The following WDR49 variants were observed in gnomAD, a reference collection of about 807,000 sequenced individuals.
WDR49 encodes the protein cilia- and flagella-associated protein 337.
WDR49 carries 107 observed loss-of-function variants against 119.5 expected under a neutral mutation model. The observed-to-expected ratio is 0.90, with a 90% CI of 0.77 to 1.05. The LOEUF is 1.05. Among genes scored for constraint, WDR49 ranks in the 50% least tolerant of loss-of-function variants. The pLI is 0.00. For missense variants in WDR49, 1,240 were observed against 1,220.5 expected, an observed-to-expected ratio of 1.02 and a Z score of -0.24; for synonymous variants, 425 against 418.8, an observed-to-expected ratio of 1.01 and a Z score of -0.18.
chr3:167,653,170 T>C, intron 2 of WDR49, 91 bp downstream of exon 2: 1 of 1,405,428 alleles, frequency 7.1e-7, no homozygotes, highest in Non-Finnish European at 9.7e-7. Context: ...AAGTGTATTT[T>C]TTTAATGCTT....
At chr3:167,571,448 C>A (rs1246672669) in intron 8 of WDR49, among the ~76,000 whole-genome samples, 1 of 152,090 alleles carries the variant, frequency 6.6e-6, no homozygotes, top group Non-Finnish European at 1.5e-5. Flanking sequence ...TAGAAACTTA[C>A]TCCTAAGAAT....
intron 16 of WDR49, among the ~76,000 whole-genome samples, chr3:167,506,494 T>G (rs935330898): frequency 1.3e-5 from 2 of 152,234 alleles, no homozygotes; most frequent in African/African-American, 4.8e-5. Flanking sequence ...GTATCTCTCT[T>G]AAACTTAATA....
chr3:167,631,701 G>A (rs1158300489), intron 2 of WDR49, among the ~76,000 whole-genome samples: 2 of 152,168 alleles, frequency 1.3e-5, no homozygotes, highest in Admixed American at 6.6e-5. Flanking sequence ...TTGTGGAGCA[G>A]GTCAAACCAA....
intron 10 of WDR49, among the ~76,000 whole-genome samples, chr3:167,543,077 C>A (rs11714525): frequency 0.26 from 39,078 of 151,666 alleles, 5,322 homozygotes; most frequent in South Asian, 0.31. Context: ...TACACAATGC[C>A]CCTTGATTAA....
In WDR49 at chr3:167,626,956, C is replaced by T. The variant is rs114599994; in HGVS notation, c.502G>A (p.Gly168Arg). Residue 168 changes from glycine (G) to arginine (R), a missense_variant, in exon 3 of 19, where the codon GGA becomes AGA. By Grantham distance (125) the Gly-to-Arg change is moderately radical. Coordinates refer to ENST00000682715, the MANE Select transcript of WDR49 (RefSeq NM_001366157.1). ...ISKEGLLAIW[G>R]EHLKLQETFP... ...GTTTCTTGCAGCTTTAAATGCTCTC[C>T]CCAGATTGCCAATAAACCTTCTTTA... is the stretch of plus-strand genomic sequence containing the variant. The T allele has an allele frequency of 4.8e-4, 640 of 1,329,916 alleles. 4 individuals carry two copies. In the African/African-American group the frequency reaches 8.4e-3, roughly 18 times the overall value. The allele number at this position is 1,329,916 out of a possible 1,614,324, so 82.4% of individuals were successfully genotyped here.
intron 18 of WDR49, among the ~76,000 whole-genome samples, chr3:167,499,318 G>T (rs1751473473): frequency 1.3e-5 from 2 of 152,180 alleles, no homozygotes; most frequent in Non-Finnish European, 2.9e-5. Flanking sequence ...ATTTCTCAAG[G>T]ATGATGTTGA....
In WDR49 at chr3:167,604,294, T is replaced by C. The variant is rs745903285; in HGVS notation, c.1126+7A>G. The C allele has an allele frequency of 3.1e-6, 5 of 1,613,142 alleles. No homozygotes were observed. Among genetic ancestry groups the C allele is most frequent in the Non-Finnish European group, 4.2e-6 (5 of 1,179,572 alleles). The stretch of plus-strand genomic sequence containing the variant: ...CCCTCATAGTTATCATGATTTATTT[T>C]ACCTACCAATTAAATTGAGCCGAGA... On this transcript the variant is annotated splice_region_variant and intron_variant, in intron 6 of 18. Coordinates refer to ENST00000682715, the MANE Select transcript of WDR49 (RefSeq NM_001366157.1).
rs747438935 is a variant in WDR49, at chr3:167,602,143, C to T, written c.1259G>A (p.Ser420Asn). 1 of 1,599,834 alleles carries T rather than the reference C, an allele frequency of 6.3e-7. No homozygotes were observed. The highest frequency in any genetic ancestry group is 8.5e-7 in the Non-Finnish European group (1 of 1,169,936). ...GTTACTTACTTTATCCTTGGAGAAGCTGAAAAGTTGTTTTCTTTCCACAAA... is the reference window on the plus strand; with the variant it reads ...GTTACTTACTTTATCCTTGGAGAAGTTGAAAAGTTGTTTTCTTTCCACAAA... ...QFFVERKQLFSFSKDKVLRLW... is the reference protein window; with the variant it reads ...QFFVERKQLFNFSKDKVLRLW... Residue 420 changes from serine (S) to asparagine (N), a missense_variant, in exon 7 of 19, where the codon AGC becomes AAC. Physicochemically the swap from Ser to Asn is conservative, Grantham distance 46. Transcript: ENST00000682715.
At chr3:167,501,847 A>C (rs1167025826) in intron 17 of WDR49, among the ~76,000 whole-genome samples, 1 of 152,138 alleles carries the variant, frequency 6.6e-6, no homozygotes, top group Non-Finnish European at 1.5e-5. Flanking sequence ...GTTTTTATTC[A>C]TCTTCATTTC....
At chr3:167,608,687 T>G (rs1259862173) in intron 5 of WDR49, among the ~76,000 whole-genome samples, 1 of 152,122 alleles carries the variant, frequency 6.6e-6, no homozygotes, top group Non-Finnish European at 1.5e-5. Context: ...TGAATTGAGG[T>G]AAGGAAATGA....
At chr3:167,639,732 G>A (rs1279211263) in intron 2 of WDR49, among the ~76,000 whole-genome samples, 1 of 151,780 alleles carries the variant, frequency 6.6e-6, no homozygotes, top group Non-Finnish European at 1.5e-5. Flanking sequence ...GCTCTTTCTT[G>A]CTGTCACATC....
chr3:167,608,992 C>T (rs978443733), intron 5 of WDR49, among the ~76,000 whole-genome samples: 2 of 152,132 alleles, frequency 1.3e-5, no homozygotes, highest in African/African-American at 4.8e-5. Flanking sequence ...CCCTGTGTAA[C>T]AGCAATTAGT....
At chr3:167,528,331 C>A (rs200273089) in intron 14 of WDR49, among the ~76,000 whole-genome samples, 1 of 151,574 alleles carries the variant, frequency 6.6e-6, no homozygotes. Flanking sequence ...ACATATACAA[C>A]GTTCAAATAT....
chr3:167,505,363 G>T lies in WDR49; in HGVS notation c.2828C>A (p.Thr943Asn). 6.5e-7 allele frequency: 1 copy of T among 1,528,654 alleles called. No homozygotes were observed. The highest frequency in any genetic ancestry group is 8.7e-7 in the Non-Finnish European group (1 of 1,146,424). The allele number at this position is 1,528,654 out of a possible 1,614,324, so 94.7% of individuals were successfully genotyped here. Reference protein sequence around the residue: ...NLDIKYKERSTCMKETQKPYY... With the variant: ...NLDIKYKERSNCMKETQKPYY... ...AGGTTTTTGTGTTTCTTTCATGCAG[G>T]TACTTCTTTCCTTATATTTTATATC... The change falls in exon 17 of 19, where the codon ACC (threonine) becomes AAC (asparagine). Residue 943 changes from threonine (T) to asparagine (N), a missense_variant. By Grantham distance (65) the Thr-to-Asn change is moderately conservative. Transcript: ENST00000682715.
At chr3:167,512,118 G>A (rs931202330) in intron 16 of WDR49, among the ~76,000 whole-genome samples, 13 of 152,284 alleles carry the variant, frequency 8.5e-5, no homozygotes, top group Admixed American at 3.3e-4. Flanking sequence ...AGAGTGCTTC[G>A]TTAAGAGGGT....
Position 167,626,956 on chromosome 3 carries a change from C to A in WDR49, c.502G>T (p.Gly168Ter). The change falls in exon 3 of 19, where the codon GGA (glycine) becomes TGA (stop). Residue 168 changes from glycine (G) to a stop codon, truncating the protein, a stop_gained. Transcript: ENST00000682715. LOFTEE classifies it high-confidence loss of function. ...ISKEGLLAIW[G>*]EHLKLQETFP... ...GTTTCTTGCAGCTTTAAATGCTCTC[C>A]CCAGATTGCCAATAAACCTTCTTTA... 7.5e-7 allele frequency: 1 copy of A among 1,329,918 alleles called. No homozygotes were observed. Among genetic ancestry groups the A allele is most frequent in the Non-Finnish European group, 9.6e-7 (1 of 1,041,380 alleles). 82.4% of individuals were successfully genotyped at this position (1,329,918 alleles called of 1,614,324 possible).
chr3:167,588,123 C>T lies in WDR49; in HGVS notation c.1276-11972G>A, dbSNP rs76477255. On this transcript the variant is annotated intron_variant, in intron 7 of 18. Coordinates refer to ENST00000682715, the MANE Select transcript of WDR49 (RefSeq NM_001366157.1). Reference sequence around the variant, plus strand: ...CCCCCACCACTACCCTTCCCAGCCTCTAATAACCATTCTTCTTCTATCTCC... The same window carrying T: ...CCCCCACCACTACCCTTCCCAGCCTTTAATAACCATTCTTCTTCTATCTCC... Among the ~76,000 whole-genome samples the T allele has an allele frequency of 3.2e-3, 491 of 152,246 alleles. 3 individuals carry two copies. The highest frequency in any genetic ancestry group is 0.011 in the African/African-American group (462 of 41,556).
intron 18 of WDR49, among the ~76,000 whole-genome samples, chr3:167,485,520 C>T (rs1196734911): frequency 6.6e-6 from 1 of 151,828 alleles, no homozygotes; most frequent in Non-Finnish European, 1.5e-5. Context: ...CCAAGGAATC[C>T]AATAAAATGA....
intron 13 of WDR49, among the ~76,000 whole-genome samples, chr3:167,530,201 A>G (rs1370158854): frequency 6.6e-6 from 1 of 152,100 alleles, no homozygotes; most frequent in East Asian, 1.9e-4. Context: ...TAAAAATTTT[A>G]TATGAAAATT....
Sources: allele counts gnomAD v4.1 joint callset (sites outside exome capture counted in the v4.1 genomes callset), GRCh38; gene constraint gnomAD v4.1.1; transcripts MANE v1.5; gene names NCBI Gene and HGNC (gene_info 2026-07-23, HGNC 2026-07-21).